Variants in AP1B1 observed in about 807,000 individuals in gnomAD.
AP1B1 encodes adaptor related protein complex 1 subunit beta 1.
In AP1B1, 36 loss-of-function variants were observed where a neutral mutation model predicts 104.3. The observed-to-expected ratio is 0.35, with a 90% CI of 0.26 to 0.46. The LOEUF (loss-of-function observed/expected upper bound fraction) is 0.46, where lower values mean the gene tolerates loss of function less well. AP1B1 is among the 20% of genes least tolerant of loss of function. The probability of loss-of-function intolerance (pLI) is 1.00; values close to 1 mark genes in which losing one functional copy is unlikely to be tolerated. For synonymous variants in AP1B1, 504 were observed against 517.5 expected, an observed-to-expected ratio of 0.97 and a Z score of 0.35; for missense variants, 901 against 1,247.9, an observed-to-expected ratio of 0.72 and a Z score of 4.19.
intron 11 of AP1B1, among the ~76,000 whole-genome samples, chr22:29,343,483 T>G (rs541233115): frequency 6.6e-6 from 1 of 152,230 alleles, no homozygotes; most frequent in Non-Finnish European, 1.5e-5. Context: ...CAGCAGCAGA[T>G]GAGCAGTAGG....
chr22:29,378,480 GA>G (rs960867657), intron 1 of AP1B1, among the ~76,000 whole-genome samples: 2 of 150,352 alleles, frequency 1.3e-5, no homozygotes, highest in Admixed American at 1.3e-4. Context: ...TTGAGCCTGG[GA>G]GGTTGACGCT....
chr22:29,342,108 T>C (rs779971668), intron 12 of AP1B1, among the ~76,000 whole-genome samples, 177 bp downstream of exon 12: 3 of 152,264 alleles, frequency 2.0e-5, no homozygotes, highest in Non-Finnish European at 1.5e-5. Flanking sequence ...CTTTGTGTTG[T>C]GTTCTAAGCA....
chr22:29,374,087 G>A (rs2062291842), intron 1 of AP1B1, among the ~76,000 whole-genome samples: 1 of 151,240 alleles, frequency 6.6e-6, no homozygotes, highest in South Asian at 2.1e-4. Context: ...TGTAATCACA[G>A]CTACTTGGGA....
intron 1 of AP1B1, among the ~76,000 whole-genome samples, chr22:29,377,537 G>A (rs529019901): frequency 4.6e-5 from 7 of 152,266 alleles, no homozygotes; most frequent in Admixed American, 3.9e-4. Flanking sequence ...GTGGAAAGGC[G>A]TGGTGGTTCA....
chr22:29,365,207 T>C (rs2062115402), intron 2 of AP1B1, among the ~76,000 whole-genome samples: 1 of 152,146 alleles, frequency 6.6e-6, no homozygotes, highest in Admixed American at 6.6e-5. Context: ...ATGCTCTCAA[T>C]CCCTATGCTT....
At chr22:29,359,618 A>G in intron 4 of AP1B1, 1 of 542,206 alleles carries the variant, frequency 1.8e-6, no homozygotes, top group Non-Finnish European at 3.1e-6. Context: ...GACCTCACAC[A>G]GGATGAGTTA....
intron 11 of AP1B1, among the ~76,000 whole-genome samples, chr22:29,343,963 T>C (rs1420281387): frequency 6.6e-6 from 1 of 151,618 alleles, no homozygotes; most frequent in Non-Finnish European, 1.5e-5. Context: ...ATACAAAAAT[T>C]AGCTGGGCCT....
chr22:29,338,439 G>A (rs570729374), intron 16 of AP1B1, among the ~76,000 whole-genome samples: 1 of 152,286 alleles, frequency 6.6e-6, no homozygotes, highest in African/African-American at 2.4e-5. Flanking sequence ...TGTCTTCTGG[G>A]GTGAGCGGGC....
rs935308292 is a variant in AP1B1, at chr22:29,339,088, C to G, written c.2065G>C (p.Ala689Pro). The change falls in exon 16 of 23, where the codon GCC (alanine) becomes CCC (proline). Residue 689 changes from alanine (A) to proline (P), a missense_variant. Physicochemically the swap from Ala to Pro is conservative, Grantham distance 27 (BLOSUM62 -1). Transcript: ENST00000357586. Reference protein sequence around the residue: ...FVAPPTAAVPANLGAPIGSGL... With the variant: ...FVAPPTAAVPPNLGAPIGSGL... ...CTGCCGATGGGTGCTCCAAGATTGG[C>G]TGGTACTGCTGCTGTTGGAGGTGCC... 1 of 1,614,074 alleles carries G rather than the reference C, an allele frequency of 6.2e-7. No individual in the cohort carries two copies. The highest frequency in any genetic ancestry group is 1.3e-5 in the African/African-American group (1 of 74,930).
At chr22:29,366,435 C>G (rs2062137577) in intron 2 of AP1B1, among the ~76,000 whole-genome samples, 1 of 152,058 alleles carries the variant, frequency 6.6e-6, no homozygotes, top group Non-Finnish European at 1.5e-5. Flanking sequence ...TCAGGAGTTT[C>G]AGACCAGCCT....
rs2062040733 is a variant in AP1B1, at chr22:29,361,238, T to C, written c.144-1279A>G. On this transcript the variant is annotated intron_variant, in intron 3 of 22. Coordinates refer to ENST00000357586, the MANE Select transcript of AP1B1 (RefSeq NM_001127.4). ...CTGCTCTGGCTTCCAAAGGGCTCTC[T>C]GCAGAGCCCCTTCCCGGAGCTGCTG... 2.0e-5 allele frequency among the ~76,000 whole-genome samples: 3 copies of C among 152,212 alleles called. No individual in the cohort carries two copies. The South Asian group carries it at 6.2e-4, about 32-fold the overall frequency.
intron 3 of AP1B1, among the ~76,000 whole-genome samples, chr22:29,362,191 G>T (rs1178482817): frequency 5.9e-5 from 9 of 152,228 alleles, no homozygotes. Context: ...CACACAACCG[G>T]CTTTAGCCAT....
chr22:29,365,251 A>C (rs187788711), intron 2 of AP1B1, among the ~76,000 whole-genome samples: 1,825 of 152,142 alleles, frequency 0.012, 28 homozygotes, highest in African/African-American at 0.041. Context: ...TGCTTTCCTA[A>C]ACCTGTTTCC....
At chr22:29,370,466 A>AAAAAAAAAAAAAGAAAG (rs532561379) in intron 1 of AP1B1, 2 of 149,876 alleles carry the variant, frequency 1.3e-5, no homozygotes, top group Non-Finnish European at 2.9e-5. Context: ...AAAAAAAAAA[A>AAAAAAAAAAAAAGAAAG]AAAGAAAGAA....
chr22:29,333,733 T>G (rs2061595413), intron 17 of AP1B1, among the ~76,000 whole-genome samples: 1 of 152,136 alleles, frequency 6.6e-6, no homozygotes, highest in Non-Finnish European at 1.5e-5. Context: ...TGCCTGGTAC[T>G]TTGGAGTCCA....
chr22:29,364,660 C>A (rs28425720), intron 2 of AP1B1, among the ~76,000 whole-genome samples: 1 of 151,866 alleles, frequency 6.6e-6, no homozygotes, highest in Non-Finnish European at 1.5e-5. Context: ...GTGATCCGCC[C>A]GCCTTGGTCT....
chr22:29,361,209 C>G (rs2062040105), intron 3 of AP1B1, among the ~76,000 whole-genome samples: 1 of 152,198 alleles, frequency 6.6e-6, no homozygotes, highest in Non-Finnish European at 1.5e-5. Flanking sequence ...TACCTGTTTC[C>G]TTTCTGCTCT....
intron 1 of AP1B1, among the ~76,000 whole-genome samples, chr22:29,385,443 G>T (rs2062506985): frequency 6.6e-6 from 1 of 152,186 alleles, no homozygotes; most frequent in Non-Finnish European, 1.5e-5. Context: ...GTTGACTGGA[G>T]CTTGGGAAAA....
In AP1B1 at chr22:29,341,758, G is replaced by A. The variant is rs1314241010; in HGVS notation, c.1539C>T (p.Asp513=). 6.2e-7 allele frequency: 1 copy of A among 1,605,214 alleles called. No individual in the cohort carries two copies. The highest frequency in any genetic ancestry group is 2.2e-5 in the East Asian group (1 of 44,654). ...VQQVLSLATQ[D]SDNPDLRDRG... is the part of the protein sequence containing the mutation. ...GGTCCCGCAGGTCTGGGTTATCTGA[G>A]TCCTTGTGGGGGTGAGGAGAAGCCC... Residue 513 remains aspartate (D), a splice_region_variant and synonymous_variant, in exon 13 of 23, where the codon GAC becomes GAT. Coordinates refer to ENST00000357586, the MANE Select transcript of AP1B1 (RefSeq NM_001127.4).
Sources: allele counts gnomAD v4.1 joint callset (sites outside exome capture counted in the v4.1 genomes callset), GRCh38; gene constraint gnomAD v4.1.1; transcripts MANE v1.5; gene names NCBI Gene and HGNC (gene_info 2026-07-23, HGNC 2026-07-21).